The following ATXN1 variants were observed in gnomAD, a reference collection of about 807,000 sequenced individuals.
ATXN1 encodes ataxin 1.
In ATXN1, 8 loss-of-function variants were observed where a neutral mutation model predicts 56.4. That is an observed-to-expected ratio of 0.14 (90% CI 0.08 to 0.26). The LOEUF is 0.26. Ranked by LOEUF, ATXN1 falls within the 10% of genes least tolerant of loss-of-function variation. The probability of loss-of-function intolerance (pLI) is 1.00; values close to 1 mark genes in which losing one functional copy is unlikely to be tolerated. For synonymous variants in ATXN1, 514 were observed against 494.6 expected, an observed-to-expected ratio of 1.04 and a Z score of -0.52; for missense variants, 987 against 1,106.5, an observed-to-expected ratio of 0.89 and a Z score of 1.53.
In ATXN1 at chr6:16,303,729, C is replaced by T. The variant is rs574172713; in HGVS notation, c.*2600G>A. ...TAGTGGATCCAGTCAATTCAATACTCGAAGTAAGCCAAAAGGTGGTGTGTG... is the reference window on the plus strand; with the variant it reads ...TAGTGGATCCAGTCAATTCAATACTTGAAGTAAGCCAAAAGGTGGTGTGTG... On this transcript the variant is annotated 3_prime_UTR_variant, in exon 8 of 8. Transcript: ENST00000436367. The surrounding 1 kb of genome is among the most constrained non-coding windows in gnomAD (Gnocchi z 4.3). 9.2e-5 allele frequency: 14 copies of T among 152,636 alleles called. No homozygotes were observed. The highest frequency in any genetic ancestry group is 1.9e-4 in the East Asian group (1 of 5,190). 9.5% of individuals were successfully genotyped at this position (152,636 alleles called of 1,614,324 possible).
intron 2 of ATXN1, among the ~76,000 whole-genome samples, chr6:16,672,718 C>T (rs746352083): frequency 6.6e-6 from 1 of 152,148 alleles, no homozygotes; most frequent in Non-Finnish European, 1.5e-5. Flanking sequence ...ACAATGGCAT[C>T]TAGACAATGG....
rs759716662 is a variant in ATXN1 at position 16,328,284 on chromosome 6, G to A, written c.27C>T (p.Asn9=). The part of the protein sequence containing the change: MKSNQERS[N]ECLPPKKREI... ...CGCGCTTCTTGGGAGGCAGGCATTC[G>A]TTGCTCCGCTCTTGGTTGGATTTCA... is the stretch of plus-strand genomic sequence containing the variant. Residue 9 remains asparagine, a synonymous_variant, in exon 7 of 8, where the codon AAC becomes AAT. Transcript: ENST00000436367. The surrounding 1 kb of genome is among the most constrained non-coding windows in gnomAD (Gnocchi z 6.2). The A allele has an allele frequency of 2.1e-5, 32 of 1,517,704 alleles. No individual in the cohort carries two copies. Among genetic ancestry groups the A allele is most frequent in the Middle Eastern group, 1.8e-4 (1 of 5,652 alleles). The allele number at this position is 1,517,704 out of a possible 1,614,324, so 94.0% of individuals were successfully genotyped here.
At chr6:16,659,533 G>A (rs1758275278) in intron 2 of ATXN1, among the ~76,000 whole-genome samples, 1 of 152,122 alleles carries the variant, frequency 6.6e-6, no homozygotes, top group Non-Finnish European at 1.5e-5. Flanking sequence ...ATTGGAAGAG[G>A]TCCTTGACGT....
chr6:16,605,857 G>A (rs1383955795), intron 3 of ATXN1, among the ~76,000 whole-genome samples: 1 of 152,158 alleles, frequency 6.6e-6, no homozygotes, highest in Non-Finnish European at 1.5e-5. Flanking sequence ...ACCAGGTGTA[G>A]TGTCTCATGC....
chr6:16,316,954 G>A (rs1760527721), intron 7 of ATXN1, among the ~76,000 whole-genome samples: 1 of 146,762 alleles, frequency 6.8e-6, no homozygotes, highest in African/African-American at 2.6e-5. Flanking sequence ...GCTTTCTCCA[G>A]GGTGTGGCTT....
intron 2 of ATXN1, among the ~76,000 whole-genome samples, chr6:16,731,449 C>CTTTTTTTTTTTTTTTT (rs1250658347): frequency 2.4e-5 from 1 of 41,076 alleles, no homozygotes; most frequent in Non-Finnish European, 5.1e-5. Flanking sequence ...CTTTTTTTTT[C>CTTTTTTTTTTTTTTTT]TTTTCTTTTT....
intron 2 of ATXN1, among the ~76,000 whole-genome samples, chr6:16,735,838 A>G (rs938109122): frequency 6.6e-6 from 1 of 152,186 alleles, no homozygotes; most frequent in African/African-American, 2.4e-5. Context: ...AGAAAAAAAA[A>G]CTGTCCCTCA....
chr6:16,606,369 G>T (rs1407262517), intron 3 of ATXN1, among the ~76,000 whole-genome samples: 1 of 152,046 alleles, frequency 6.6e-6, no homozygotes, highest in Admixed American at 6.5e-5. Flanking sequence ...CCAAGACCAG[G>T]TCTAAGTTAT....
chr6:16,656,879 C>A, intron 3 of ATXN1, among the ~76,000 whole-genome samples: 1 of 151,906 alleles, frequency 6.6e-6, no homozygotes, highest in East Asian at 1.9e-4. Flanking sequence ...CGGCATGCTA[C>A]TGTAGTGAAT....
chr6:16,662,349 T>G (rs1581342581), intron 2 of ATXN1, among the ~76,000 whole-genome samples: 1 of 147,926 alleles, frequency 6.8e-6, no homozygotes, highest in South Asian at 2.1e-4. Context: ...TTTTTTTTTT[T>G]GAAATAGAGT....
Position 16,306,287 on chromosome 6 carries a change from AATG to A in ATXN1, c.*39_*41del. The A allele has an allele frequency of 6.5e-7, 1 of 1,549,226 alleles. No individual in the cohort carries two copies. The highest frequency in any genetic ancestry group is 8.7e-7 in the Non-Finnish European group (1 of 1,154,098). ...CCTACAGTACAGTAATCTGGATACA[AATG>A]ATAAGGGAGAGCCACGTTTCCTTTC... On this transcript the variant is annotated 3_prime_UTR_variant, in exon 8 of 8. Transcript: ENST00000436367. The surrounding 1 kb of genome is among the most constrained non-coding windows in gnomAD (Gnocchi z 5.2).
intron 1 of ATXN1, among the ~76,000 whole-genome samples, chr6:16,756,611 G>A (rs941652539): frequency 2.6e-5 from 4 of 152,042 alleles, no homozygotes; most frequent in African/African-American, 9.7e-5. Context: ...CTAATCATTC[G>A]AACTATTGAA....
chr6:16,688,320 C>A (rs908696560), intron 2 of ATXN1, among the ~76,000 whole-genome samples: 1 of 152,174 alleles, frequency 6.6e-6, no homozygotes, highest in African/African-American at 2.4e-5. Flanking sequence ...AGAAAACACA[C>A]TTGATATAAG....
Position 16,731,641 on chromosome 6 carries a change from TAGA to T in ATXN1, c.-615+21589_-615+21591del, listed in dbSNP as rs1435665782. Among the ~76,000 whole-genome samples the T allele has an allele frequency of 3.3e-5, 5 of 151,900 alleles. No individual in the cohort carries two copies. In the East Asian group the frequency reaches 9.7e-4, roughly 29 times the overall value. On this transcript the variant is annotated intron_variant, in intron 2 of 7. Transcript: ENST00000436367. ...TGTACTTTGCTTTCTGCTACCACAC[TAGA>T]AGATTACTTGATCAAACAAATGGGC...
At chr6:16,370,743 C>A (rs927683522) in intron 6 of ATXN1, among the ~76,000 whole-genome samples, 1 of 152,138 alleles carries the variant, frequency 6.6e-6, no homozygotes, top group African/African-American at 2.4e-5. Context: ...TGAATCAGTT[C>A]TTTCACTTAA....
chr6:16,324,908 T>A (rs888754084), intron 7 of ATXN1, among the ~76,000 whole-genome samples: 1 of 152,196 alleles, frequency 6.6e-6, no homozygotes, highest in Non-Finnish European at 1.5e-5. Context: ...TATTTTCTGA[T>A]GCTTTGATAT....
chr6:16,454,125 C>CAAAAAAAAAAAAAAAAAAAAAA (rs56277549), intron 6 of ATXN1, among the ~76,000 whole-genome samples: 3 of 76,668 alleles, frequency 3.9e-5, no homozygotes, highest in South Asian at 4.7e-4. Context: ...GACTCTGTCT[C>CAAAAAAAAAAAAAAAAAAAAAA]AAAAAAAAAA....
intron 3 of ATXN1, among the ~76,000 whole-genome samples, chr6:16,603,006 C>T (rs1306853436): frequency 6.6e-6 from 1 of 152,074 alleles, no homozygotes; most frequent in Non-Finnish European, 1.5e-5. Context: ...TGGCCCATTG[C>T]AATGTTAAAG....
chr6:16,692,734 C>T (rs1337273821), intron 2 of ATXN1, among the ~76,000 whole-genome samples: 1 of 152,088 alleles, frequency 6.6e-6, no homozygotes, highest in East Asian at 1.9e-4. Flanking sequence ...TACCTGTATT[C>T]CATTGTGTTC....
Sources: allele counts gnomAD v4.1 joint callset (sites outside exome capture counted in the v4.1 genomes callset), GRCh38; gene constraint gnomAD v4.1.1; non-coding constraint Gnocchi (gnomAD v3.1); transcripts MANE v1.5; gene names NCBI Gene and HGNC (gene_info 2026-07-23, HGNC 2026-07-21).